Variants in GRIA4 observed in about 807,000 individuals in gnomAD.
The protein encoded by GRIA4 is glutamate receptor 4.
Under a neutral mutation model 104.0 loss-of-function variants are expected in GRIA4, and 34 were observed. The observed-to-expected ratio is 0.33, with a 90% CI of 0.25 to 0.44. The LOEUF is 0.44. GRIA4 is among the 20% of genes least tolerant of loss of function. The pLI is 1.00. For missense variants in GRIA4, 750 were observed against 1,096.5 expected (o/e 0.68, Z 4.46); for synonymous variants, 386 against 381.9 (o/e 1.01, Z -0.13).
intron 14 of GRIA4, among the ~76,000 whole-genome samples, chr11:105,956,807 G>T (rs1051645369): frequency 1.3e-5 from 2 of 152,138 alleles, no homozygotes; most frequent in African/African-American, 2.4e-5. Flanking sequence ...ATTCTAACTG[G>T]TGTCAGATGG....
chr11:105,741,693 T>C (rs1939319006), intron 3 of GRIA4, among the ~76,000 whole-genome samples: 1 of 152,184 alleles, frequency 6.6e-6, no homozygotes, highest in Non-Finnish European at 1.5e-5. Context: ...CATTTCTAAA[T>C]TGTGGCCACT....
At chr11:105,913,286 G>C (rs1947307520) in intron 10 of GRIA4, 1 of 548,622 alleles carries the variant, frequency 1.8e-6, no homozygotes, top group African/African-American at 2.0e-5. Flanking sequence ...ATAATGTAGT[G>C]TTAGCTTTTA....
At chr11:105,850,609 C>T (rs1944772180) in intron 4 of GRIA4, among the ~76,000 whole-genome samples, 2 of 152,130 alleles carry the variant, frequency 1.3e-5, no homozygotes, top group Admixed American at 1.3e-4. Flanking sequence ...AACTGGACCA[C>T]AGGGCAGCAC....
At chr11:105,756,297 C>G (rs555029890) in intron 4 of GRIA4, among the ~76,000 whole-genome samples, 1 of 152,132 alleles carries the variant, frequency 6.6e-6, no homozygotes, top group South Asian at 2.1e-4. Flanking sequence ...TAACTGTATA[C>G]CTGTCAAGTG....
At chr11:105,790,317 T>G (rs931693681) in intron 4 of GRIA4, among the ~76,000 whole-genome samples, 2 of 152,234 alleles carry the variant, frequency 1.3e-5, no homozygotes, top group Non-Finnish European at 2.9e-5. Context: ...TGTGTCACGC[T>G]TTAGTAATTC....
chr11:105,852,134 T>C (rs528262175), intron 4 of GRIA4, among the ~76,000 whole-genome samples: 1 of 152,308 alleles, frequency 6.6e-6, no homozygotes, highest in East Asian at 1.9e-4. Flanking sequence ...TGAGAGAATC[T>C]CTTAGGTTTC....
intron 3 of GRIA4, among the ~76,000 whole-genome samples, chr11:105,648,125 G>T (rs1009342673): frequency 6.6e-6 from 1 of 151,826 alleles, no homozygotes; most frequent in Non-Finnish European, 1.5e-5. Flanking sequence ...CAAAAATACA[G>T]ATTAGAAGAT....
chr11:105,696,490 T>G (rs1437253676), intron 3 of GRIA4, among the ~76,000 whole-genome samples: 1 of 152,208 alleles, frequency 6.6e-6, no homozygotes, highest in East Asian at 1.9e-4. Flanking sequence ...TAAATCATAT[T>G]TGGGGGCTTC....
intron 11 of GRIA4, among the ~76,000 whole-genome samples, chr11:105,922,407 G>A (rs374336514): frequency 9.9e-5 from 15 of 152,172 alleles, no homozygotes; most frequent in African/African-American, 3.6e-4. Flanking sequence ...GCATTAAAAA[G>A]ATTATTACTG....
intron 3 of GRIA4, among the ~76,000 whole-genome samples, chr11:105,634,448 GGAGAAAGAAAGAAAGAAAGGGA>G: frequency 1.5e-5 from 1 of 64,582 alleles, no homozygotes; most frequent in East Asian, 4.0e-4. Context: ...AAGGAAGGAA[GGAGAAAGAAAGAAAGAAAGGGA>G]AAGAAAGAAA....
intron 14 of GRIA4, among the ~76,000 whole-genome samples, chr11:105,957,680 G>A (rs2136253170): frequency 6.6e-6 from 1 of 152,304 alleles, no homozygotes; most frequent in African/African-American, 2.4e-5. Flanking sequence ...GGATGGCATT[G>A]AATCTATAAA....
intron 4 of GRIA4, among the ~76,000 whole-genome samples, chr11:105,805,129 A>G (rs147869873): frequency 6.6e-6 from 1 of 152,040 alleles, no homozygotes; most frequent in East Asian, 1.9e-4. Flanking sequence ...ACTTTGTTAC[A>G]TTGGTTATTT....
chr11:105,776,588 G>T (rs1337208780), intron 4 of GRIA4, among the ~76,000 whole-genome samples: 1 of 152,114 alleles, frequency 6.6e-6, no homozygotes, highest in Non-Finnish European at 1.5e-5. Flanking sequence ...TTTAGCGAGT[G>T]CCAGGTACAT....
chr11:105,666,550 T>C (rs1300059015), intron 3 of GRIA4, among the ~76,000 whole-genome samples: 1 of 151,974 alleles, frequency 6.6e-6, no homozygotes, highest in Non-Finnish European at 1.5e-5. Context: ...AGTGTTTGCA[T>C]AAAGTAAACT....
chr11:105,867,283 A>G (rs1945456594), intron 5 of GRIA4, among the ~76,000 whole-genome samples: 1 of 152,198 alleles, frequency 6.6e-6, no homozygotes. Flanking sequence ...AAATGAGGCC[A>G]TTTGCACATA....
At chr11:105,713,121 T>C (rs2135553614) in intron 3 of GRIA4, among the ~76,000 whole-genome samples, 1 of 152,204 alleles carries the variant, frequency 6.6e-6, no homozygotes, top group East Asian at 1.9e-4. Flanking sequence ...AGTGACTCAC[T>C]CCTGTAATTC....
chr11:105,714,671 C>T lies in GRIA4; in HGVS notation c.248-38310C>T, dbSNP rs921993679. Among the ~76,000 whole-genome samples the T allele has an allele frequency of 5.9e-5, 9 of 152,010 alleles. No individual in the cohort carries two copies. In the East Asian group the frequency reaches 7.7e-4, roughly 13 times the overall value. On this transcript the variant is annotated intron_variant, in intron 3 of 16. Coordinates refer to ENST00000282499, the MANE Select transcript of GRIA4 (RefSeq NM_000829.4). Reference sequence around the variant, plus strand: ...TCACCAAGACCCTATATTGCTGAAACGAGACAGGCCAATAAAGATATTTAT... The same window carrying T: ...TCACCAAGACCCTATATTGCTGAAATGAGACAGGCCAATAAAGATATTTAT...
chr11:105,709,652 C>A (rs1445621), intron 3 of GRIA4, among the ~76,000 whole-genome samples: 10 of 151,968 alleles, frequency 6.6e-5, no homozygotes, highest in Admixed American at 2.6e-4. Flanking sequence ...ATCACTTCTG[C>A]GGTATTTCTG....
intron 14 of GRIA4, among the ~76,000 whole-genome samples, chr11:105,943,080 G>T (rs1948221263): frequency 6.6e-6 from 1 of 152,070 alleles, no homozygotes; most frequent in Non-Finnish European, 1.5e-5. Flanking sequence ...TGAAGTTGCA[G>T]ACACTTAATA....
Sources: gnomAD v4.1 joint callset for allele counts (sites outside exome capture counted in the v4.1 genomes callset) on GRCh38, gnomAD v4.1.1 for gene constraint, MANE v1.5 for transcripts, NCBI Gene and HGNC (gene_info 2026-07-23, HGNC 2026-07-21) for gene names.